SLC35F3: variants seen among roughly 807,000 people sequenced by gnomAD.
SLC35F3 encodes putative thiamine transporter SLC35F3.
A neutral mutation model predicts 49.9 loss-of-function variants in SLC35F3; 25 were observed. The observed-to-expected ratio is 0.50, with a 90% CI of 0.37 to 0.70. SLC35F3 has a LOEUF of 0.70. Ranked by LOEUF, SLC35F3 falls within the 30% of genes least tolerant of loss-of-function variation. The pLI, the probability that SLC35F3 is intolerant of heterozygous loss-of-function variation, is 0.00. For synonymous variants in SLC35F3, 275 were observed against 265.4 expected, an observed-to-expected ratio of 1.04 and a Z score of -0.35; for missense variants, 525 against 639.8, an observed-to-expected ratio of 0.82 and a Z score of 1.94.
At position 234,281,979 on chromosome 1, in the gene SLC35F3, C is replaced by T. The variant is rs143023851; in HGVS notation, c.609-27122C>T. The stretch of plus-strand genomic sequence containing the variant: ...CTGTGAGGCTGAGGCTCGGCTTAAG[C>T]GCTGTTTTTTTCCAAAGCACGCATG... On this transcript the variant is annotated intron_variant, in intron 3 of 7. Coordinates refer to ENST00000366618, the MANE Select transcript of SLC35F3 (RefSeq NM_173508.4). Among the ~76,000 whole-genome samples the T allele has an allele frequency of 9.9e-3, 1,507 of 152,064 alleles. 18 individuals are homozygous for T. The highest frequency in any genetic ancestry group is 0.017 in the Middle Eastern group (5 of 294).
intron 2 of SLC35F3, among the ~76,000 whole-genome samples, chr1:234,143,288 C>CTTTTCTTTTTTTTTTTTTTT (rs1478216426): frequency 8.1e-6 from 1 of 123,564 alleles, no homozygotes; most frequent in African/African-American, 3.5e-5. Flanking sequence ...CTTTTCTTTT[C>CTTTTCTTTTTTTTTTTTTTT]TTTTTTTTTT....
chr1:234,004,922 A>G (rs1663607199), intron 2 of SLC35F3, among the ~76,000 whole-genome samples: 2 of 152,176 alleles, frequency 1.3e-5, no homozygotes, highest in African/African-American at 4.8e-5. Flanking sequence ...ATGCATTAAG[A>G]TGGAAATTCA....
At chr1:234,141,406 A>G (rs1558240629) in intron 2 of SLC35F3, among the ~76,000 whole-genome samples, 1 of 152,116 alleles carries the variant, frequency 6.6e-6, no homozygotes, top group Non-Finnish European at 1.5e-5. Context: ...ACTAAGGGTT[A>G]ATTGGTATAC....
intron 2 of SLC35F3, among the ~76,000 whole-genome samples, chr1:233,962,874 G>GCCA (rs1662827331): frequency 1.3e-5 from 2 of 152,164 alleles, no homozygotes; most frequent in Admixed American, 1.3e-4. Flanking sequence ...TTTTTGGCAT[G>GCCA]GCAGTGATGA....
chr1:234,224,390 A>G (rs924629939), intron 2 of SLC35F3, among the ~76,000 whole-genome samples: 6 of 152,172 alleles, frequency 3.9e-5, no homozygotes, highest in African/African-American at 1.4e-4. Flanking sequence ...TTACTTTCTT[A>G]GAGGCCCTGT....
chr1:234,051,464 G>A (rs1465041548), intron 2 of SLC35F3, among the ~76,000 whole-genome samples: 2 of 152,194 alleles, frequency 1.3e-5, no homozygotes, highest in Admixed American at 6.5e-5. Context: ...GTATAGGAAT[G>A]CTTGTGATTT....
intron 2 of SLC35F3, among the ~76,000 whole-genome samples, chr1:233,910,028 A>G (rs771000368): frequency 1.3e-5 from 2 of 152,216 alleles, no homozygotes; most frequent in Non-Finnish European, 2.9e-5. Flanking sequence ...TGAAGATTTG[A>G]AAGAGCCTGT....
At chr1:234,052,724 G>C (rs12057150) in intron 2 of SLC35F3, among the ~76,000 whole-genome samples, 16,060 of 152,016 alleles carry the variant, frequency 0.11, 1,307 homozygotes, top group East Asian at 0.25. Context: ...TTTTAATTGT[G>C]ATATTAAGGT....
chr1:233,969,597 A>C (rs941326090), intron 2 of SLC35F3, among the ~76,000 whole-genome samples: 1 of 152,184 alleles, frequency 6.6e-6, no homozygotes, highest in African/African-American at 2.4e-5. Context: ...AAAAACTGTC[A>C]CATAAAAGTC....
At chr1:234,008,451 T>C (rs541245471) in intron 2 of SLC35F3, among the ~76,000 whole-genome samples, 2 of 152,292 alleles carry the variant, frequency 1.3e-5, no homozygotes, top group African/African-American at 4.8e-5. Context: ...GGTCTAAAGG[T>C]GTTCATTCTT....
At chr1:234,216,483 G>C (rs1320269076) in intron 2 of SLC35F3, among the ~76,000 whole-genome samples, 1 of 152,202 alleles carries the variant, frequency 6.6e-6, no homozygotes, top group East Asian at 1.9e-4. Flanking sequence ...GTTGCCTTCA[G>C]GGAATGAAAG....
At chr1:233,989,786 A>G (rs1240787486) in intron 2 of SLC35F3, among the ~76,000 whole-genome samples, 1 of 152,202 alleles carries the variant, frequency 6.6e-6, no homozygotes, top group Non-Finnish European at 1.5e-5. Flanking sequence ...AAACATATAT[A>G]AATATCTGAC....
chr1:233,934,387 T>C (rs1662292629), intron 2 of SLC35F3, among the ~76,000 whole-genome samples: 1 of 152,222 alleles, frequency 6.6e-6, no homozygotes, highest in Admixed American at 6.5e-5. Flanking sequence ...TTCCTTATTC[T>C]TAAAATCAAC....
chr1:234,023,179 C>T (rs1663924518), intron 2 of SLC35F3, among the ~76,000 whole-genome samples: 4 of 152,178 alleles, frequency 2.6e-5, no homozygotes, highest in Non-Finnish European at 5.9e-5. Flanking sequence ...AGACCCAGGG[C>T]ACACCCATTG....
intron 3 of SLC35F3, among the ~76,000 whole-genome samples, chr1:234,242,988 T>C (rs2102957677): frequency 6.6e-6 from 1 of 152,318 alleles, no homozygotes; most frequent in Non-Finnish European, 1.5e-5. Context: ...GGAGACAGGC[T>C]TATCAGTATT....
intron 2 of SLC35F3, among the ~76,000 whole-genome samples, chr1:234,008,131 C>T (rs996472630): frequency 6.7e-6 from 1 of 148,976 alleles, no homozygotes; most frequent in Non-Finnish European, 1.5e-5. Flanking sequence ...TTTCTTCTCT[C>T]GTTCCTTGTC....
At chr1:233,912,851 C>T (rs1294365239) in intron 2 of SLC35F3, among the ~76,000 whole-genome samples, 2 of 152,144 alleles carry the variant, frequency 1.3e-5, no homozygotes, top group African/African-American at 4.8e-5. Flanking sequence ...CATAGTTGAC[C>T]AAGGATAACT....
intron 2 of SLC35F3, among the ~76,000 whole-genome samples, chr1:234,181,852 A>C (rs1361326803): frequency 6.6e-6 from 1 of 152,170 alleles, no homozygotes; most frequent in East Asian, 1.9e-4. Flanking sequence ...ATCACAAAAT[A>C]CATATTGTCT....
chr1:234,186,162 A>G (rs1382146603), intron 2 of SLC35F3, among the ~76,000 whole-genome samples: 1 of 152,194 alleles, frequency 6.6e-6, no homozygotes, highest in Non-Finnish European at 1.5e-5. Context: ...CAGGGCGCAG[A>G]TTGACTAAGC....
Sources: allele counts gnomAD v4.1 joint callset (sites outside exome capture counted in the v4.1 genomes callset), GRCh38; gene constraint gnomAD v4.1.1; transcripts MANE v1.5; gene names NCBI Gene and HGNC (gene_info 2026-07-23, HGNC 2026-07-21).